Variants in RTL5 observed in about 807,000 individuals in gnomAD.
RTL5 encodes retrotransposon Gag-like protein 5.
Under a neutral mutation model 7.7 loss-of-function variants are expected in RTL5, and 8 were observed. The ratio of observed to expected loss-of-function variants is 1.04; its 90% CI spans 0.61 to 1.88. The LOEUF (loss-of-function observed/expected upper bound fraction) is 1.88. RTL5 is among the 40% of genes most tolerant of loss of function. RTL5 has a pLI of 0.00. For synonymous variants in RTL5, 188 were observed against 191.8 expected (o/e 0.98, Z 0.16); for missense variants, 457 against 472.7 (o/e 0.97, Z 0.31).
exon 1 of RTL5, chrX:72,128,000 T>C (rs1270250594): frequency 8.9e-6 from 1 of 112,593 alleles, no homozygotes; most frequent in Non-Finnish European, 1.9e-5. Flanking sequence ...GGGGTTTTTG[T>C]CCTCATAGTT....
downstream of RTL5, chrX:72,127,578 G>A (rs2042238567): frequency 9.0e-6 from 1 of 110,901 alleles, no homozygotes; most frequent in Admixed American, 9.6e-5. Flanking sequence ...TTCTCCACAG[G>A]GACATGGGGC....
exon 1 of RTL5, chrX:72,129,701 C>A (rs2042264316): frequency 1.5e-6 from 1 of 663,066 alleles, no homozygotes. Context: ...TTCTGCAGGT[C>A]TTCTTCAGGT....
At chrX:72,130,615 C>T (rs1172879624) in exon 1 of RTL5, 29 of 1,210,031 alleles carry the variant, frequency 2.4e-5, no homozygotes, top group Non-Finnish European at 3.1e-5. Context: ...GCGCACTTTT[C>T]TTTCTATCTC....
chrX:72,128,077 T>C (rs1346297940), exon 1 of RTL5: 1 of 112,116 alleles, frequency 8.9e-6, no homozygotes, highest in Non-Finnish European at 1.9e-5. Flanking sequence ...AGGGGATCTT[T>C]TTAAAAGGTA....
At chrX:72,127,577 G>A (rs2042238515), downstream of RTL5, 1 of 111,025 alleles carries the variant, frequency 9.0e-6, no homozygotes, top group African/African-American at 3.3e-5. Flanking sequence ...CTTCTCCACA[G>A]GGACATGGGG....
chrX:72,128,640 C>T (rs1039048214), exon 1 of RTL5: 2 of 112,810 alleles, frequency 1.8e-5, no homozygotes, highest in Admixed American at 1.9e-4. Flanking sequence ...GGTTGGCCCC[C>T]ATGAGGGGTC....
At chrX:72,131,805 C>T (rs186715317) in exon 1 of RTL5, 2,517 of 229,250 alleles carry the variant, frequency 0.011, 66 homozygotes, top group African/African-American at 0.072. Flanking sequence ...CCGGAGGCGC[C>T]AGGCGGAGGA....
chrX:72,131,101 G>C lies in RTL5; in HGVS notation c.440C>G (p.Pro147Arg), dbSNP rs767467207. The C allele has an allele frequency of 1.6e-5, 19 of 1,204,943 alleles. No individual in the cohort carries two copies. In the East Asian group the frequency reaches 1.8e-4, roughly 11 times the overall value. The change falls in exon 1 of 1, where the codon CCG becomes CGG. Residue 147 changes from proline (P) to arginine (R), a missense_variant. Transcript: ENST00000609883. The stretch of plus-strand genomic sequence containing the variant: ...GGGCTCTATCTCAGGCCGCTCCAGC[G>C]GTGCCAGAGGGGGTTGCGGGGGCGG...
At chrX:72,129,855 A>G in exon 1 of RTL5, 1 of 1,198,670 alleles carries the variant, frequency 8.3e-7, no homozygotes, top group Non-Finnish European at 1.1e-6. Flanking sequence ...GGCCACGAGC[A>G]GCTCGGTGGC....
rs764931062 is a variant in RTL5 at position 72,131,363 on chromosome X, T to C, written c.178A>G (p.Ile60Val). 45 of 1,207,142 alleles carry C rather than the reference T, an allele frequency of 3.7e-5. No homozygotes were observed. The Admixed American group carries it at 5.7e-4, about 15-fold the overall frequency. Reference sequence around the variant, plus strand: ...TTCTCCTCCGCAAGGACGGGCACTATGGGTACTGGCCAGCGGATGTAGCTG... The same window carrying C: ...TTCTCCTCCGCAAGGACGGGCACTACGGGTACTGGCCAGCGGATGTAGCTG... The change falls in exon 1 of 1, where the codon ATA becomes GTA. Residue 60 changes from isoleucine (I) to valine (V), a missense_variant. Transcript: ENST00000609883.
rs183714924 is a variant in RTL5, at chrX:72,130,403, C to T, written c.1138G>A (p.Glu380Lys). The stretch of plus-strand genomic sequence containing the variant: ...TTCATTTCTTCCTCCTTCTTCATCT[C>T]CTCCTCCTCCTTCTCCTTCATCTCT... Residue 380 changes from glutamate (E) to lysine (K), a missense_variant, in exon 1 of 1, where the codon GAG (glutamate) becomes AAG (lysine). Glu to Lys is a moderately conservative substitution (Grantham distance 56). Transcript: ENST00000609883. 1.5e-4 allele frequency: 180 copies of T among 1,173,012 alleles called. No homozygotes were observed. The African/African-American group carries it at 2.8e-3, about 18-fold the overall frequency.
chrX:72,131,666 G>T, exon 1 of RTL5: 2 of 612,501 alleles, frequency 3.3e-6, no homozygotes, highest in Non-Finnish European at 4.7e-6. Flanking sequence ...AGCGGGGCAC[G>T]GGCCAGGCCG....
At chrX:72,129,787 T>C (rs2042265378) in exon 1 of RTL5, 5 of 1,130,473 alleles carry the variant, frequency 4.4e-6, no homozygotes, top group Non-Finnish European at 5.9e-6. Context: ...GGGCGGGGGA[T>C]GCAAAAGAAG....
In RTL5 at chrX:72,129,578, C is replaced by T. The variant is rs149578526; in HGVS notation, c.*253G>A. 1.7e-3 allele frequency: 606 copies of T among 365,917 alleles called. 4 individuals carry two copies. The highest frequency in any genetic ancestry group is 0.014 in the African/African-American group (564 of 39,326). The allele number at this position is 365,917 out of a possible 1,213,427, so 30.2% of individuals were successfully genotyped here. A position where few individuals can be genotyped will look rare whatever the true frequency, so the allele number is the denominator to read the frequency against. ...AGAAACTTGCTCTCCAGCTCGTGGC[C>T]GGACTGAGCAGAGTACATGCCAAGA... On this transcript the variant is annotated 3_prime_UTR_variant, in exon 1 of 1. Transcript: ENST00000609883.
rs768312794 is a variant in RTL5 at position 72,129,904 on chromosome X, C to T, written c.1637G>A (p.Arg546His). The change falls in exon 1 of 1, where the codon CGC becomes CAC. Residue 546 changes from arginine (R) to histidine (H), a missense_variant. Arg to His is a conservative substitution (Grantham distance 29). Coordinates refer to ENST00000609883, the Ensembl canonical transcript of RTL5. ...AGTGAGGCGGAAAAGCACAGGGGGGCGTCTTCGAACTTGGCGTTGTCCTAA... is the reference window on the plus strand; with the variant it reads ...AGTGAGGCGGAAAAGCACAGGGGGGTGTCTTCGAACTTGGCGTTGTCCTAA... 12 of 1,210,231 alleles carry T rather than the reference C, an allele frequency of 9.9e-6. No individual in the cohort carries two copies. The highest frequency in any genetic ancestry group is 6.5e-5 in the Admixed American group (3 of 46,017).
chrX:72,130,059 C>T lies in RTL5; in HGVS notation c.1482G>A (p.Leu494=), dbSNP rs755133990. ...GCTGTATTATGGGAGGTGATGCACC[C>T]AGGAAGTTTTCGGCGTGGTAACCAC... Residue 494 remains leucine, a synonymous_variant, in exon 1 of 1, where the codon CTG becomes CTA. Transcript: ENST00000609883. 2.6e-5 allele frequency: 32 copies of T among 1,209,312 alleles called. No individual in the cohort carries two copies. The South Asian group carries it at 5.5e-4, about 21-fold the overall frequency.
At chrX:72,131,514 G>A in exon 1 of RTL5, 1 of 1,193,852 alleles carries the variant, frequency 8.4e-7, no homozygotes, top group Non-Finnish European at 1.1e-6. Context: ...TGCGGAGGCT[G>A]TTGAGATTTC....
At chrX:72,129,910 C>T (rs1320486867) in exon 1 of RTL5, 6 of 1,209,044 alleles carry the variant, frequency 5.0e-6, no homozygotes, top group African/African-American at 1.8e-5. Flanking sequence ...GGGGCGTCTT[C>T]GAACTTGGCG....
At chrX:72,131,200 G>C in exon 1 of RTL5, 6 of 1,198,951 alleles carry the variant, frequency 5.0e-6, no homozygotes, top group Admixed American at 4.4e-5. Context: ...GGGCCCGTCG[G>C]GGGTGCTGCG....
Sources: gnomAD v4.1 joint callset for allele counts on GRCh38, gnomAD v4.1.1 for gene constraint, MANE v1.5 for transcripts, NCBI Gene and HGNC (gene_info 2026-07-23, HGNC 2026-07-21) for gene names.